Variants in CAST observed in about 807,000 individuals in gnomAD.
CAST encodes MIR583 host.
Under a neutral mutation model 119.6 loss-of-function variants are expected in CAST, and 76 were observed. That is an observed-to-expected ratio of 0.64 (90% CI 0.53 to 0.77). The LOEUF is 0.77. Among genes scored for constraint, CAST ranks in the 30% least tolerant of loss-of-function variants. The probability of loss-of-function intolerance (pLI) is 0.00; values close to 1 mark genes in which losing one functional copy is unlikely to be tolerated. For synonymous variants in CAST, 319 were observed against 331.6 expected (o/e 0.96, Z 0.41); for missense variants, 953 against 946.5 (o/e 1.01, Z -0.09).
the CAST span, among the ~76,000 whole-genome samples, chr5:96,083,457 G>A: frequency 6.6e-6 from 1 of 152,166 alleles, no homozygotes; most frequent in Non-Finnish European, 1.5e-5. Flanking sequence ...TCAGCCATGA[G>A]GCAGCAACGT....
the CAST span, among the ~76,000 whole-genome samples, chr5:96,434,536 T>C: frequency 5.9e-5 from 9 of 152,042 alleles, no homozygotes; most frequent in Non-Finnish European, 1.2e-4. Flanking sequence ...CTTGGGAACG[T>C]GTTGGACTCA....
intron 1 of CAST, among the ~76,000 whole-genome samples, chr5:96,560,847 A>G (rs1448536316): frequency 5.3e-5 from 8 of 152,216 alleles, no homozygotes; most frequent in African/African-American, 1.7e-4. Context: ...CCATCCCATT[A>G]CTGGGTATAT....
the CAST span, chr5:96,408,192 T>C: frequency 2.0e-6 from 3 of 1,473,468 alleles, no homozygotes; most frequent in Non-Finnish European, 2.9e-6. Flanking sequence ...TCAGCCTTTG[T>C]AAAGGTGATT....
the CAST span, among the ~76,000 whole-genome samples, chr5:96,279,992 T>A: frequency 1.3e-5 from 2 of 152,352 alleles, no homozygotes; most frequent in East Asian, 3.9e-4. Context: ...CAAACACTAA[T>A]GAAGTTCCAG....
chr5:96,045,616 T>C, the CAST span, among the ~76,000 whole-genome samples: 1 of 152,158 alleles, frequency 6.6e-6, no homozygotes, highest in African/African-American at 2.4e-5. Context: ...ATAATGACAA[T>C]AGATAATACT....
At chr5:96,738,864 G>A (rs1293544547) in intron 11 of CAST, among the ~76,000 whole-genome samples, 3 of 151,386 alleles carry the variant, frequency 2.0e-5, no homozygotes, top group African/African-American at 7.3e-5. Context: ...GAACCCGGGA[G>A]GCAGTGGTTG....
At chr5:96,410,753 A>G in the CAST span, 2 of 1,593,338 alleles carry the variant, frequency 1.3e-6, no homozygotes, top group South Asian at 1.1e-5. Context: ...AAGCAGAGAG[A>G]ATTAGACAAA....
At chr5:96,416,122 C>T in the CAST span, 1 of 1,600,082 alleles carries the variant, frequency 6.2e-7, no homozygotes, top group South Asian at 1.1e-5. Context: ...GGTCCCGTGT[C>T]TGAGGATTGA....
At chr5:96,315,271 AG>A in the CAST span, among the ~76,000 whole-genome samples, 1 of 152,024 alleles carries the variant, frequency 6.6e-6, no homozygotes, top group African/African-American at 2.4e-5. Flanking sequence ...ATAATAAAAA[AG>A]TTTGTTGTTT....
chr5:96,450,961 G>A, the CAST span, among the ~76,000 whole-genome samples: 3 of 152,234 alleles, frequency 2.0e-5, no homozygotes, highest in Middle Eastern at 3.4e-3. Flanking sequence ...CTGAATAAGA[G>A]TTCATATAAA....
chr5:96,560,545 G>A (rs62365743), intron 1 of CAST, among the ~76,000 whole-genome samples: 2 of 152,180 alleles, frequency 1.3e-5, no homozygotes, highest in East Asian at 1.9e-4. Context: ...GGCAAAGGAT[G>A]TGAACAGACA....
At chr5:96,766,197 T>C (rs767178904) in intron 27 of CAST, 52 bp downstream of exon 27, 11 of 982,994 alleles carry the variant, frequency 1.1e-5, no homozygotes, top group Admixed American at 3.7e-5. Flanking sequence ...GATCTTTAAA[T>C]TCAAACCTCC....
chr5:96,500,062 C>T, the CAST span, among the ~76,000 whole-genome samples: 5 of 152,080 alleles, frequency 3.3e-5, no homozygotes, highest in Admixed American at 3.3e-4. Flanking sequence ...AGTTCGCCGC[C>T]TCATATGGGA....
At chr5:96,079,471 T>C in the CAST span, among the ~76,000 whole-genome samples, 3 of 152,338 alleles carry the variant, frequency 2.0e-5, no homozygotes, top group South Asian at 6.2e-4. Flanking sequence ...TGAAGAGATA[T>C]CTTGGGATAA....
chr5:96,062,190 CA>C, the CAST span, among the ~76,000 whole-genome samples: 1 of 152,040 alleles, frequency 6.6e-6, no homozygotes, highest in Non-Finnish European at 1.5e-5. Context: ...CCCTTTACAG[CA>C]AAAGAGGAGT....
At chr5:96,194,172 C>A in the CAST span, among the ~76,000 whole-genome samples, 1 of 152,134 alleles carries the variant, frequency 6.6e-6, no homozygotes, top group Non-Finnish European at 1.5e-5. Flanking sequence ...GCTCTTTGAA[C>A]CCTGTTCCCT....
At chr5:96,279,910 C>T in the CAST span, among the ~76,000 whole-genome samples, 2 of 152,220 alleles carry the variant, frequency 1.3e-5, no homozygotes, top group Admixed American at 1.3e-4. Context: ...GATAGCCCCA[C>T]TAACATTCAG....
intron 1 of CAST, among the ~76,000 whole-genome samples, chr5:96,549,519 G>C (rs1331558272): frequency 6.6e-6 from 1 of 152,224 alleles, no homozygotes; most frequent in South Asian, 2.1e-4. Flanking sequence ...TGAGGTACCT[G>C]GTTCATCTCA....
chr5:96,185,867 T>C, the CAST span, among the ~76,000 whole-genome samples: 2 of 152,186 alleles, frequency 1.3e-5, no homozygotes, highest in Admixed American at 1.3e-4. Flanking sequence ...TTAAATTTTT[T>C]TTTTTGTAGT....
Sources: allele counts gnomAD v4.1 joint callset (sites outside exome capture counted in the v4.1 genomes callset), GRCh38; gene constraint gnomAD v4.1.1; transcripts MANE v1.5; gene names NCBI Gene and HGNC (gene_info 2026-07-23, HGNC 2026-07-21).